PLPPR5: variants seen among roughly 807,000 people sequenced by gnomAD.
PLPPR5 encodes the protein phospholipid phosphatase related 5, also known as phospholipid phosphatase-related protein type 5.
A neutral mutation model predicts 33.9 loss-of-function variants in PLPPR5; 16 were observed. That is an observed-to-expected ratio of 0.47 (90% CI 0.32 to 0.72). The LOEUF (loss-of-function observed/expected upper bound fraction) is 0.72. Among genes scored for constraint, PLPPR5 ranks in the 30% least tolerant of loss-of-function variants. PLPPR5 has a pLI of 0.03. For synonymous variants in PLPPR5, 163 were observed against 150.3 expected (o/e 1.08, Z -0.62); for missense variants, 301 against 406.7 (o/e 0.74, Z 2.23).
intron 5 of PLPPR5, among the ~76,000 whole-genome samples, chr1:98,897,840 T>C (rs905650753): frequency 6.6e-6 from 1 of 152,118 alleles, no homozygotes; most frequent in African/African-American, 2.4e-5. Context: ...TTTGAATGGA[T>C]TTTTATTAAC....
intron 1 of PLPPR5, among the ~76,000 whole-genome samples, chr1:99,001,669 A>ATATATATAT (rs1557699423): frequency 6.2e-5 from 4 of 64,326 alleles, no homozygotes; most frequent in African/African-American, 2.4e-4. Context: ...TTGAAAGTTA[A>ATATATATAT]AGATATATAT....
At chr1:99,001,415 G>A (rs1253327742) in intron 1 of PLPPR5, among the ~76,000 whole-genome samples, 9 of 151,794 alleles carry the variant, frequency 5.9e-5, no homozygotes, top group Non-Finnish European at 1.3e-4. Flanking sequence ...GATTACAGGC[G>A]TGAGTCACCG....
intron 3 of PLPPR5, among the ~76,000 whole-genome samples, chr1:98,922,842 G>A (rs552612631): frequency 6.6e-5 from 10 of 152,134 alleles, no homozygotes; most frequent in Admixed American, 4.6e-4. Flanking sequence ...AAAATCAGCT[G>A]GGCGTGGTGG....
intron 2 of PLPPR5, among the ~76,000 whole-genome samples, chr1:98,955,591 A>C (rs945025545): frequency 2.0e-5 from 3 of 152,056 alleles, no homozygotes; most frequent in African/African-American, 4.8e-5. Flanking sequence ...ACAATCTTGG[A>C]TATGAAGGCC....
At chr1:98,989,425 A>T (rs1274223474) in intron 1 of PLPPR5, among the ~76,000 whole-genome samples, 1 of 152,140 alleles carries the variant, frequency 6.6e-6, no homozygotes, top group Non-Finnish European at 1.5e-5. Context: ...AGAAATGCTT[A>T]ATCATGAGGA....
At chr1:98,912,038 G>A (rs1352826760) in intron 5 of PLPPR5, among the ~76,000 whole-genome samples, 3 of 152,072 alleles carry the variant, frequency 2.0e-5, no homozygotes, top group Non-Finnish European at 4.4e-5. Context: ...CAAAGCGCTG[G>A]GATTACAAGC....
intron 4 of PLPPR5, among the ~76,000 whole-genome samples, chr1:98,921,568 T>C (rs1489964674): frequency 6.6e-6 from 1 of 152,174 alleles, no homozygotes; most frequent in African/African-American, 2.4e-5. Context: ...TTATAGGCAG[T>C]TTTTACCCAG....
At position 98,931,799 on chromosome 1, in the gene PLPPR5, A is replaced by G. The variant is rs182273736; in HGVS notation, c.622-9741T>C. ...GTGCCAAGTGAAGGATTCGTATTAAAAGGAAAATGGGAGGCCATAAAGGGG... is the reference window on the plus strand; with the variant it reads ...GTGCCAAGTGAAGGATTCGTATTAAGAGGAAAATGGGAGGCCATAAAGGGG... On this transcript the variant is annotated intron_variant, in intron 3 of 5. Coordinates refer to ENST00000263177, the MANE Select transcript of PLPPR5 (RefSeq NM_001037317.2). Among the ~76,000 whole-genome samples, 22 of 152,280 alleles carry G rather than the reference A, an allele frequency of 1.4e-4. 1 individual carries two copies. The highest frequency in any genetic ancestry group is 5.1e-4 in the African/African-American group (21 of 41,562).
At chr1:98,946,281 A>G (rs1570722125) in intron 3 of PLPPR5, among the ~76,000 whole-genome samples, 1 of 152,166 alleles carries the variant, frequency 6.6e-6, no homozygotes, top group East Asian at 1.9e-4. Flanking sequence ...GACTTTATGC[A>G]TTCTAGGTAT....
chr1:98,965,330 C>A (rs2101236436), intron 1 of PLPPR5, among the ~76,000 whole-genome samples: 1 of 152,242 alleles, frequency 6.6e-6, no homozygotes, highest in East Asian at 1.9e-4. Flanking sequence ...CTGGACATTA[C>A]ATTATGCTTT....
At chr1:98,948,755 G>A (rs1211889806) in intron 3 of PLPPR5, among the ~76,000 whole-genome samples, 2 of 152,170 alleles carry the variant, frequency 1.3e-5, no homozygotes, top group Non-Finnish European at 2.9e-5. Flanking sequence ...TCTCGGCTGA[G>A]CCCAAACCCC....
chr1:98,923,408 C>T (rs1005186928), intron 3 of PLPPR5, among the ~76,000 whole-genome samples: 9 of 152,084 alleles, frequency 5.9e-5, no homozygotes, highest in African/African-American at 1.2e-4. Flanking sequence ...AACTATTGTC[C>T]CTGGTTAAAT....
At chr1:98,941,573 G>A (rs1439660863) in intron 3 of PLPPR5, among the ~76,000 whole-genome samples, 1 of 150,556 alleles carries the variant, frequency 6.6e-6, no homozygotes, top group Non-Finnish European at 1.5e-5. Flanking sequence ...TTTTTTGATA[G>A]TGGAAGTTTT....
At chr1:98,959,818 T>C (rs11801576) in intron 1 of PLPPR5, among the ~76,000 whole-genome samples, 38,376 of 152,036 alleles carry the variant, frequency 0.25, 4,954 homozygotes, top group East Asian at 0.41. Context: ...GAAGGTATGT[T>C]ATGGTACATG....
chr1:98,934,946 A>G (rs565278727), intron 3 of PLPPR5, among the ~76,000 whole-genome samples: 1 of 152,302 alleles, frequency 6.6e-6, no homozygotes, highest in African/African-American at 2.4e-5. Context: ...TGGTTCATAG[A>G]ATTAAAAAAA....
At chr1:98,949,354 C>T (rs1433686395) in intron 3 of PLPPR5, among the ~76,000 whole-genome samples, 1 of 151,756 alleles carries the variant, frequency 6.6e-6, no homozygotes, top group Non-Finnish European at 1.5e-5. Context: ...TAATTAAAGT[C>T]AGATGTTAAG....
At chr1:98,998,492 C>CCCATTGAAAT (rs1165050165) in intron 1 of PLPPR5, among the ~76,000 whole-genome samples, 4 of 152,152 alleles carry the variant, frequency 2.6e-5, no homozygotes, top group African/African-American at 9.7e-5. Flanking sequence ...ATTTCCTACA[C>CCCATTGAAAT]CACCCATTGA....
chr1:98,962,180 T>TAAAAGCAA (rs1651273287), intron 1 of PLPPR5, among the ~76,000 whole-genome samples: 6 of 152,194 alleles, frequency 3.9e-5, no homozygotes, highest in African/African-American at 1.4e-4. Context: ...ATCAATTGCT[T>TAAAAGCAA]TTATTTATAT....
chr1:98,909,505 A>G (rs1649041928), intron 5 of PLPPR5, among the ~76,000 whole-genome samples: 1 of 151,856 alleles, frequency 6.6e-6, no homozygotes, highest in African/African-American at 2.4e-5. Context: ...TACCTCATCC[A>G]TCTTAGCTGT....
Sources: allele counts gnomAD v4.1 joint callset (sites outside exome capture counted in the v4.1 genomes callset), GRCh38; gene constraint gnomAD v4.1.1; transcripts MANE v1.5; gene names NCBI Gene and HGNC (gene_info 2026-07-23, HGNC 2026-07-21).